FGF13: variants seen among roughly 807,000 people sequenced by gnomAD.
FGF13 encodes the protein fibroblast growth factor 13, also known as fibroblast growth factor homologous factor 2.
A neutral mutation model predicts 19.5 loss-of-function variants in FGF13; 2 were observed. The observed-to-expected ratio is 0.10, with a 90% CI of 0.04 to 0.32. The LOEUF is 0.32. Ranked by LOEUF, FGF13 falls within the 10% of genes least tolerant of loss-of-function variation. The pLI, the probability that FGF13 is intolerant of heterozygous loss-of-function variation, is 1.00. For synonymous variants in FGF13, 72 were observed against 76.9 expected, an observed-to-expected ratio of 0.94 and a Z score of 0.33; for missense variants, 113 against 192.7, an observed-to-expected ratio of 0.59 and a Z score of 2.45.
chrX:138,873,860 G>A (rs1044544473), intron 1 of FGF13, among the ~76,000 whole-genome samples: 1 of 109,672 alleles, frequency 9.1e-6, no homozygotes, highest in African/African-American at 3.3e-5. Flanking sequence ...GTAGGGACGT[G>A]GATGAAAGTG....
At chrX:138,682,549 T>C (rs775991138) in intron 3 of FGF13, among the ~76,000 whole-genome samples, 10 of 112,153 alleles carry the variant, frequency 8.9e-5, no homozygotes, top group Non-Finnish European at 1.5e-4. Flanking sequence ...TTTCATGTCA[T>C]GTGAATAAAT....
chrX:138,812,793 C>T (rs1015555505), intron 3 of FGF13, among the ~76,000 whole-genome samples: 3 of 110,992 alleles, frequency 2.7e-5, no homozygotes, highest in Admixed American at 9.6e-5. Flanking sequence ...CATAGGTATA[C>T]GTGTGCCATG....
chrX:138,832,951 T>C (rs1241198437), intron 3 of FGF13, among the ~76,000 whole-genome samples: 1 of 111,978 alleles, frequency 8.9e-6, no homozygotes, highest in Admixed American at 9.5e-5. Context: ...TAGTCAGGTT[T>C]GTCAATGATC....
At chrX:139,073,133 T>TCC (rs112886945) in intron 1 of FGF13, among the ~76,000 whole-genome samples, 1 of 104,193 alleles carries the variant, frequency 9.6e-6, no homozygotes, top group Non-Finnish European at 2.0e-5. Flanking sequence ...GAGCTGTTTT[T>TCC]CCCCCCCCCC....
chrX:139,106,330 C>T (rs757008013), intron 1 of FGF13, among the ~76,000 whole-genome samples: 1 of 112,871 alleles, frequency 8.9e-6, no homozygotes, highest in South Asian at 3.6e-4. Flanking sequence ...GGCCATCCAG[C>T]TGGGCAGCCA....
intron 1 of FGF13, among the ~76,000 whole-genome samples, chrX:139,093,524 G>A (rs1292082919): frequency 8.9e-6 from 1 of 112,308 alleles, no homozygotes; most frequent in African/African-American, 3.2e-5. Context: ...AACTTCCAGA[G>A]ATAGTGAAGT....
chrX:138,853,336 C>G (rs1220769286), downstream of FGF13, among the ~76,000 whole-genome samples: 1 of 111,708 alleles, frequency 9.0e-6, no homozygotes, highest in African/African-American at 3.2e-5. Context: ...TGACTTCTTC[C>G]TCTCCCATCA....
intron 1 of FGF13, among the ~76,000 whole-genome samples, chrX:139,098,588 G>C (rs1427025012): frequency 9.0e-6 from 1 of 111,320 alleles, no homozygotes; most frequent in Non-Finnish European, 1.9e-5. Flanking sequence ...GTAGCAACAT[G>C]GATGCAGCTG....
intron 1 of FGF13, among the ~76,000 whole-genome samples, chrX:139,122,902 G>T (rs1322089233): frequency 1.8e-5 from 2 of 111,569 alleles, no homozygotes; most frequent in Non-Finnish European, 3.8e-5. Flanking sequence ...GATATTTTGA[G>T]CCACATAATT....
intron 1 of FGF13, among the ~76,000 whole-genome samples, chrX:138,984,578 GAAGAAGAAGAA>G: frequency 1.8e-5 from 1 of 56,515 alleles, no homozygotes; most frequent in African/African-American, 6.8e-5. Context: ...AGAAGAAGAA[GAAGAAGAAGAA>G]GGAGGAGGAG....
At chrX:139,126,549 A>C in intron 1 of FGF13, among the ~76,000 whole-genome samples, 1 of 111,604 alleles carries the variant, frequency 9.0e-6, no homozygotes, top group East Asian at 2.8e-4. Flanking sequence ...GGAAAATGGT[A>C]CCAAATAAAT....
intron 1 of FGF13, among the ~76,000 whole-genome samples, chrX:139,118,501 C>T (rs777393330): frequency 8.1e-5 from 9 of 111,722 alleles, no homozygotes; most frequent in African/African-American, 2.9e-4. Context: ...CCAGATCCAT[C>T]GTAGTTTTAT....
chrX:139,188,226 T>C (rs932740805), intron 1 of FGF13, among the ~76,000 whole-genome samples: 1 of 112,289 alleles, frequency 8.9e-6, no homozygotes, highest in Non-Finnish European at 1.9e-5. Context: ...TAATGCTTGA[T>C]GCTCTTTGAA....
chrX:138,899,777 A>G, intron 1 of FGF13, among the ~76,000 whole-genome samples: 1 of 110,260 alleles, frequency 9.1e-6, no homozygotes. Context: ...GAATATTTTT[A>G]GCTTTTCTTA....
At chrX:138,772,213 G>A (rs2090552122) in intron 3 of FGF13, among the ~76,000 whole-genome samples, 1 of 108,354 alleles carries the variant, frequency 9.2e-6, no homozygotes, top group African/African-American at 3.3e-5. Flanking sequence ...ACGTGATAAT[G>A]CATATTAGGC....
rs145499022 is a variant in FGF13 at position 138,749,310 on chromosome X, G to C, written c.218-40382C>G. ...TAAATGAGCTTTTAGTCCCAGGGGGGAGAGACCAAAATACACACACACACA... is the reference window on the plus strand; with the variant it reads ...TAAATGAGCTTTTAGTCCCAGGGGGCAGAGACCAAAATACACACACACACA... On this transcript the variant is annotated intron_variant, in intron 3 of 6. Coordinates refer to the FGF13 transcript ENST00000436198. 4.7e-3 allele frequency among the ~76,000 whole-genome samples: 460 copies of C among 97,138 alleles called. 3 individuals are homozygous for C. Among genetic ancestry groups the C allele is most frequent in the Non-Finnish European group, 8.1e-3 (392 of 48,424 alleles). 84.4% of individuals were successfully genotyped at this position (97,138 alleles called of 115,157 possible). A position where few individuals can be genotyped will look rare whatever the true frequency, so the allele number is the denominator to read the frequency against.
intron 3 of FGF13, among the ~76,000 whole-genome samples, chrX:138,812,008 T>G (rs988340780): frequency 9.1e-6 from 1 of 109,816 alleles, no homozygotes; most frequent in Non-Finnish European, 1.9e-5. Context: ...ATCACCACAA[T>G]CAATTTTAGA....
intron 1 of FGF13, among the ~76,000 whole-genome samples, chrX:138,881,846 C>A (rs2091426982): frequency 9.0e-6 from 1 of 110,727 alleles, no homozygotes; most frequent in Non-Finnish European, 1.9e-5. Context: ...TTTCAAACGA[C>A]CAACTTCTGA....
intron 1 of FGF13, among the ~76,000 whole-genome samples, chrX:138,908,615 T>A (rs2091571870): frequency 9.0e-6 from 1 of 110,882 alleles, no homozygotes; most frequent in Admixed American, 9.6e-5. Flanking sequence ...TTTTTAAAAA[T>A]TATATTAGTT....
Sources: gnomAD v4.1 joint callset for allele counts (sites outside exome capture counted in the v4.1 genomes callset) on GRCh38, gnomAD v4.1.1 for gene constraint, MANE v1.5 for transcripts, NCBI Gene and HGNC (gene_info 2026-07-23, HGNC 2026-07-21) for gene names.